LRMDA: variants seen among roughly 807,000 people sequenced by gnomAD.
LRMDA encodes the protein leucine rich melanocyte differentiation associated.
A neutral mutation model predicts 29.8 loss-of-function variants in LRMDA; 18 were observed. The ratio of observed to expected loss-of-function variants is 0.60; its 90% CI spans 0.42 to 0.90. LRMDA has a LOEUF of 0.90. LRMDA is among the 40% of genes least tolerant of loss of function. The probability of loss-of-function intolerance (pLI) is 0.00; values close to 1 mark genes in which losing one functional copy is unlikely to be tolerated. For synonymous variants in LRMDA, 125 were observed against 109.4 expected (o/e 1.14, Z -0.89); for missense variants, 273 against 273.9 (o/e 1.00, Z 0.02).
At chr10:76,024,869 T>G (rs554543168) in intron 2 of LRMDA, among the ~76,000 whole-genome samples, 35 of 152,348 alleles carry the variant, frequency 2.3e-4, no homozygotes, top group Non-Finnish European at 4.1e-4. Context: ...TTCATGAGGT[T>G]GAAGAGCAGC....
intron 2 of LRMDA, among the ~76,000 whole-genome samples, chr10:75,890,138 G>C (rs537005060): frequency 6.6e-6 from 1 of 152,290 alleles, no homozygotes; most frequent in Non-Finnish European, 1.5e-5. Context: ...GAGATGGAAG[G>C]GACATTGCAA....
intron 2 of LRMDA, among the ~76,000 whole-genome samples, chr10:75,595,952 T>A (rs1308573235): frequency 6.6e-6 from 1 of 152,194 alleles, no homozygotes; most frequent in African/African-American, 2.4e-5. Context: ...TAATTATATC[T>A]GGAATCTTGG....
intron 6 of LRMDA, among the ~76,000 whole-genome samples, chr10:76,340,904 A>G (rs1841034069): frequency 6.6e-6 from 1 of 152,222 alleles, no homozygotes; most frequent in African/African-American, 2.4e-5. Context: ...ATTGTAGGCC[A>G]GAAGACATCT....
chr10:76,412,389 A>C (rs1332362886), intron 6 of LRMDA, among the ~76,000 whole-genome samples: 1 of 152,230 alleles, frequency 6.6e-6, no homozygotes, highest in Non-Finnish European at 1.5e-5. Context: ...AGGAAGGCAC[A>C]CAACCTTATT....
chr10:75,891,474 C>A (rs752572113), intron 2 of LRMDA, among the ~76,000 whole-genome samples: 4 of 152,152 alleles, frequency 2.6e-5, no homozygotes, highest in Non-Finnish European at 4.4e-5. Flanking sequence ...AGCCTTGAGG[C>A]AGAAGCTTGC....
At chr10:76,046,709 C>A (rs894764862) in intron 3 of LRMDA, among the ~76,000 whole-genome samples, 4 of 152,176 alleles carry the variant, frequency 2.6e-5, no homozygotes, top group Non-Finnish European at 4.4e-5. Flanking sequence ...GTCTCAAACT[C>A]CTGACCTCAA....
intron 5 of LRMDA, among the ~76,000 whole-genome samples, chr10:76,129,777 C>A (rs1849953065): frequency 6.6e-6 from 1 of 152,172 alleles, no homozygotes; most frequent in South Asian, 2.1e-4. Flanking sequence ...CACACCCCTT[C>A]CACTGCCATG....
intron 2 of LRMDA, among the ~76,000 whole-genome samples, chr10:75,877,566 A>G (rs1845219595): frequency 6.6e-6 from 1 of 152,252 alleles, no homozygotes; most frequent in Non-Finnish European, 1.5e-5. Context: ...AATTGAGTAG[A>G]ACATGAGTGA....
At chr10:75,741,066 A>G (rs962219649) in intron 2 of LRMDA, among the ~76,000 whole-genome samples, 35 of 152,346 alleles carry the variant, frequency 2.3e-4, no homozygotes, top group African/African-American at 8.2e-4. Flanking sequence ...GCTTAGCAGC[A>G]TGAAACAACA....
intron 6 of LRMDA, among the ~76,000 whole-genome samples, chr10:76,547,316 T>A (rs886219411): frequency 2.2e-4 from 34 of 152,070 alleles, no homozygotes; most frequent in Admixed American, 2.2e-3. Context: ...AGAAATTCAG[T>A]CCCTGAAATT....
chr10:75,943,115 A>T (rs540734677), intron 2 of LRMDA, among the ~76,000 whole-genome samples: 4 of 151,518 alleles, frequency 2.6e-5, no homozygotes, highest in South Asian at 2.1e-4. Flanking sequence ...ATGAAGTTAA[A>T]GGGTTCTAAA....
intron 2 of LRMDA, among the ~76,000 whole-genome samples, chr10:75,472,944 G>A (rs74355892): frequency 0.021 from 3,189 of 152,292 alleles, 45 homozygotes; most frequent in Non-Finnish European, 0.036. Flanking sequence ...GGGTTCAGAG[G>A]GCTTTGGCAT....
chr10:75,438,965 T>C (rs538345690), intron 2 of LRMDA, among the ~76,000 whole-genome samples: 18 of 152,324 alleles, frequency 1.2e-4, no homozygotes, highest in Admixed American at 3.3e-4. Flanking sequence ...TGTCTTTTTA[T>C]GAATGGGAGC....
chr10:76,238,571 G>A (rs1852206360), intron 5 of LRMDA, among the ~76,000 whole-genome samples: 1 of 151,840 alleles, frequency 6.6e-6, no homozygotes, highest in African/African-American at 2.4e-5. Flanking sequence ...CATGCAGGAG[G>A]GGAAGGGCAG....
At chr10:75,997,467 A>ATTTTTTTTTTTTTTTTTT (rs11314151) in intron 2 of LRMDA, among the ~76,000 whole-genome samples, 1 of 141,876 alleles carries the variant, frequency 7.0e-6, no homozygotes. Context: ...ACATACATCT[A>ATTTTTTTTTTTTTTTTTT]TTTTTTTTTT....
chr10:75,921,358 A>G (rs1321097193), intron 2 of LRMDA, among the ~76,000 whole-genome samples: 1 of 152,232 alleles, frequency 6.6e-6, no homozygotes, highest in Admixed American at 6.5e-5. Flanking sequence ...GAATACAAAT[A>G]CAGATCAGTA....
chr10:75,568,723 A>T (rs1252913520), intron 2 of LRMDA, among the ~76,000 whole-genome samples: 1 of 152,222 alleles, frequency 6.6e-6, no homozygotes, highest in African/African-American at 2.4e-5. Context: ...GGTTTCTCCC[A>T]GCCTTTTGGT....
chr10:76,281,577 C>G (rs1840205386), intron 5 of LRMDA, among the ~76,000 whole-genome samples: 1 of 152,168 alleles, frequency 6.6e-6, no homozygotes, highest in Admixed American at 6.6e-5. Flanking sequence ...CCCCAACCCC[C>G]CCATCATCCA....
chr10:75,625,925 C>T (rs1265851384), intron 2 of LRMDA, among the ~76,000 whole-genome samples: 3 of 151,750 alleles, frequency 2.0e-5, no homozygotes, highest in Non-Finnish European at 4.4e-5. Context: ...GATCATAGCT[C>T]ACTGCAGCCT....
Sources: allele counts gnomAD v4.1 joint callset (sites outside exome capture counted in the v4.1 genomes callset), GRCh38; gene constraint gnomAD v4.1.1; transcripts MANE v1.5; gene names NCBI Gene and HGNC (gene_info 2026-07-23, HGNC 2026-07-21).